VAV3: variants seen among roughly 807,000 people sequenced by gnomAD.
VAV3 encodes the protein guanine nucleotide exchange factor VAV3.
In VAV3, 94 loss-of-function variants were observed where a neutral mutation model predicts 131.2. That is an observed-to-expected ratio of 0.72 (90% CI 0.61 to 0.85). The LOEUF (loss-of-function observed/expected upper bound fraction) is 0.85, where lower values mean the gene tolerates loss of function less well. VAV3 is among the 40% of genes least tolerant of loss of function. VAV3 has a pLI of 0.00. For missense variants in VAV3, 939 were observed against 1,002.7 expected (o/e 0.94, Z 0.86); for synonymous variants, 349 against 342.0 (o/e 1.02, Z -0.22).
At chr1:107,946,343 GA>G (rs1300090925) in intron 1 of VAV3, among the ~76,000 whole-genome samples, 2 of 152,198 alleles carry the variant, frequency 1.3e-5, no homozygotes, top group Admixed American at 1.3e-4. Context: ...AATAGATTGA[GA>G]GGGGTTAAGT....
At chr1:107,797,957 G>C (rs1269361114) in intron 2 of VAV3, among the ~76,000 whole-genome samples, 1 of 152,070 alleles carries the variant, frequency 6.6e-6, no homozygotes, top group East Asian at 1.9e-4. Flanking sequence ...GCTGGTCCAG[G>C]TACCATATTT....
chr1:107,755,337 G>A (rs943649912), intron 12 of VAV3, 90 bp downstream of exon 12: 4 of 1,010,060 alleles, frequency 4.0e-6, no homozygotes, highest in Non-Finnish European at 6.0e-6. Context: ...GTAGAAACTT[G>A]AAGGTAAACT....
intron 2 of VAV3, among the ~76,000 whole-genome samples, chr1:107,867,399 G>A (rs1670045040): frequency 6.6e-6 from 1 of 152,168 alleles, no homozygotes. Flanking sequence ...GGAAAAATCT[G>A]CCAAGCATTA....
Position 107,704,951 on chromosome 1 carries a change from C to G in VAV3, c.1604+9G>C, listed in dbSNP as rs778412332. On this transcript the variant is annotated intron_variant, in intron 16 of 26. Coordinates refer to ENST00000370056, the MANE Select transcript of VAV3 (RefSeq NM_006113.5). ...CTTTAAACTGAAAACCAGGACTGAG[C>G]AGGCTTACCTCAGGAGCATCTGGCA... is the stretch of plus-strand genomic sequence containing the variant. 2.7e-5 allele frequency: 44 copies of G among 1,610,930 alleles called. No homozygotes were observed. The highest frequency in any genetic ancestry group is 3.5e-5 in the Non-Finnish European group (41 of 1,177,500).
At chr1:107,678,512 C>A (rs908579053) in intron 19 of VAV3, among the ~76,000 whole-genome samples, 1 of 152,074 alleles carries the variant, frequency 6.6e-6, no homozygotes, top group Non-Finnish European at 1.5e-5. Flanking sequence ...CATTTGAAAA[C>A]ACTCTGTTGT....
At chr1:107,752,744 G>A (rs963264687) in intron 12 of VAV3, among the ~76,000 whole-genome samples, 3 of 152,086 alleles carry the variant, frequency 2.0e-5, no homozygotes, top group African/African-American at 4.8e-5. Context: ...TCAAACCCAC[G>A]ATGAGATATT....
intron 2 of VAV3, among the ~76,000 whole-genome samples, chr1:107,811,180 GAA>G (rs35530764): frequency 6.6e-6 from 1 of 151,804 alleles, no homozygotes. Flanking sequence ...TCCACACTCA[GAA>G]AAAAAAGTCT....
intron 15 of VAV3, among the ~76,000 whole-genome samples, chr1:107,712,111 CACAA>C (rs1014972234): frequency 2.6e-5 from 4 of 152,230 alleles, no homozygotes; most frequent in African/African-American, 7.2e-5. Context: ...CAAACCAACA[CACAA>C]ACATACTCTC....
chr1:107,629,449 TATC>T (rs1004852765), intron 20 of VAV3, among the ~76,000 whole-genome samples: 2 of 152,216 alleles, frequency 1.3e-5, no homozygotes, highest in African/African-American at 4.8e-5. Flanking sequence ...GCAACATGTT[TATC>T]ATCATCAATT....
chr1:107,825,952 C>T (rs897004215), intron 2 of VAV3, among the ~76,000 whole-genome samples: 6 of 151,976 alleles, frequency 3.9e-5, no homozygotes, highest in African/African-American at 1.5e-4. Flanking sequence ...AGGTTATAGG[C>T]AACCTGGAGG....
intron 1 of VAV3, among the ~76,000 whole-genome samples, chr1:107,957,012 T>C (rs79399511): frequency 0.037 from 5,564 of 152,120 alleles, 138 homozygotes; most frequent in South Asian, 0.13. Flanking sequence ...GGGTTTTAGG[T>C]ATTAGTAGAA....
intron 15 of VAV3, among the ~76,000 whole-genome samples, chr1:107,745,645 C>T (rs1663297151): frequency 1.3e-5 from 2 of 152,052 alleles, no homozygotes; most frequent in Admixed American, 6.6e-5. Context: ...TTTTCCATGG[C>T]CTTATTTAAT....
chr1:107,758,286 T>C (rs1664225542), intron 10 of VAV3, among the ~76,000 whole-genome samples: 1 of 152,110 alleles, frequency 6.6e-6, no homozygotes, highest in African/African-American at 2.4e-5. Context: ...CAGATAATTA[T>C]TTGCCAAGCA....
At position 107,964,951 on chromosome 1, in the gene VAV3, G is replaced by A; in HGVS notation, c.-82C>T. 8.7e-7 allele frequency: 1 copy of A among 1,144,620 alleles called. No homozygotes were observed. The highest frequency in any genetic ancestry group is 1.1e-6 in the Non-Finnish European group (1 of 911,580). The allele number at this position is 1,144,620 out of a possible 1,614,324, so 70.9% of individuals were successfully genotyped here. Reference sequence around the variant, plus strand: ...GCCGCCGCCGCCGCGGTTCCTCCGCGCCCCGCCGACGCCAACAGCCGCCGG... The same window carrying A: ...GCCGCCGCCGCCGCGGTTCCTCCGCACCCCGCCGACGCCAACAGCCGCCGG... On this transcript the variant is annotated 5_prime_UTR_variant, in exon 1 of 27. Coordinates refer to ENST00000370056, the MANE Select transcript of VAV3 (RefSeq NM_006113.5).
At chr1:107,600,559 G>A (rs915864264) in intron 24 of VAV3, among the ~76,000 whole-genome samples, 1 of 152,124 alleles carries the variant, frequency 6.6e-6, no homozygotes, top group African/African-American at 2.4e-5. Flanking sequence ...GCTTACTTTA[G>A]TCCTGTGACA....
intron 25 of VAV3, among the ~76,000 whole-genome samples, chr1:107,581,621 A>T (rs751764012): frequency 1.3e-5 from 2 of 152,222 alleles, no homozygotes; most frequent in Non-Finnish European, 2.9e-5. Flanking sequence ...TGAGAAGATA[A>T]CACCACAAAA....
chr1:107,785,345 A>T, intron 2 of VAV3: 1 of 1,021,760 alleles, frequency 9.8e-7, no homozygotes, highest in Non-Finnish European at 1.3e-6. Flanking sequence ...TATCTTCTTG[A>T]GTTCTCTATT....
chr1:107,604,155 T>C (rs375549173), intron 22 of VAV3, among the ~76,000 whole-genome samples: 18 of 152,260 alleles, frequency 1.2e-4, no homozygotes, highest in East Asian at 1.2e-3. Flanking sequence ...AAAAGAAAAA[T>C]TCTGTTTAGA....
intron 1 of VAV3, among the ~76,000 whole-genome samples, chr1:107,948,292 G>A (rs975778271): frequency 6.6e-6 from 1 of 150,694 alleles, no homozygotes; most frequent in Non-Finnish European, 1.5e-5. Context: ...TGCTTCACAT[G>A]AGAAATTCTG....
Sources: gnomAD v4.1 joint callset for allele counts (sites outside exome capture counted in the v4.1 genomes callset) on GRCh38, gnomAD v4.1.1 for gene constraint, MANE v1.5 for transcripts, NCBI Gene and HGNC (gene_info 2026-07-23, HGNC 2026-07-21) for gene names.